GPHN: variants seen among roughly 807,000 people sequenced by gnomAD.
GPHN encodes the protein gephyrin.
In GPHN, 17 loss-of-function variants were observed where a neutral mutation model predicts 95.5. The observed-to-expected ratio is 0.18, with a 90% confidence interval of 0.12 to 0.27. The LOEUF (loss-of-function observed/expected upper bound fraction) is 0.27. GPHN is among the 10% of genes least tolerant of loss of function. The pLI, the probability that GPHN is intolerant of heterozygous loss-of-function variation, is 1.00. For missense variants in GPHN, 660 were observed against 978.1 expected (o/e 0.67, Z 4.34); for synonymous variants, 320 against 322.5 (o/e 0.99, Z 0.08).
chr14:67,393,231 C>A, the GPHN span: 2 of 1,612,736 alleles, frequency 1.2e-6, no homozygotes, highest in Non-Finnish European at 1.7e-6. Flanking sequence ...TGCATCTTGT[C>A]CACAATGCGA....
the GPHN span, chr14:67,383,866 G>T: frequency 8.8e-6 from 2 of 227,384 alleles, no homozygotes; most frequent in African/African-American, 2.3e-5. Flanking sequence ...TTTAACTATA[G>T]GCTTCTTCCT....
chr14:67,664,260 C>G, the GPHN span, among the ~76,000 whole-genome samples: 1 of 152,170 alleles, frequency 6.6e-6, no homozygotes, highest in Non-Finnish European at 1.5e-5. Context: ...TTTATCCTCT[C>G]AAACTGAAAT....
chr14:67,135,234 A>G (rs1343514740), intron 17 of GPHN, among the ~76,000 whole-genome samples: 1 of 152,202 alleles, frequency 6.6e-6, no homozygotes, highest in Non-Finnish European at 1.5e-5. Context: ...TGCTGGGATT[A>G]TAGGTGTGAG....
intron 10 of GPHN, among the ~76,000 whole-genome samples, chr14:67,051,263 T>C (rs142185367): frequency 0.012 from 1,833 of 152,046 alleles, 19 homozygotes; most frequent in Non-Finnish European, 0.018. Flanking sequence ...GAGAGGAAAA[T>C]AAATAACCTG....
At chr14:66,827,283 CA>C (rs1214931662) in intron 4 of GPHN, among the ~76,000 whole-genome samples, 159 of 133,806 alleles carry the variant, frequency 1.2e-3, no homozygotes, top group East Asian at 2.7e-3. Flanking sequence ...GACCCTGTCT[CA>C]AAAAAAAAAA....
chr14:66,773,978 C>G (rs58157093), intron 2 of GPHN, among the ~76,000 whole-genome samples: 62 of 146,242 alleles, frequency 4.2e-4, no homozygotes, highest in African/African-American at 1.5e-3. Context: ...GGTAATTGAG[C>G]ATCATATCTA....
At chr14:66,580,435 A>G (rs1429106342) in intron 1 of GPHN, among the ~76,000 whole-genome samples, 4 of 151,510 alleles carry the variant, frequency 2.6e-5, no homozygotes, top group African/African-American at 4.9e-5. Context: ...TTTAAAAGAT[A>G]AAATTGACAA....
At chr14:67,214,240 C>T in the GPHN span, among the ~76,000 whole-genome samples, 948 of 152,270 alleles carry the variant, frequency 6.2e-3, 8 homozygotes, top group African/African-American at 0.022. Context: ...AGTCCTTGCC[C>T]ATGCCTATGT....
At chr14:67,545,957 A>C in the GPHN span, among the ~76,000 whole-genome samples, 1 of 152,196 alleles carries the variant, frequency 6.6e-6, no homozygotes, top group Non-Finnish European at 1.5e-5. Flanking sequence ...AAAAAAAAAA[A>C]AAGTTGAAAA....
chr14:66,561,197 A>T (rs2060224222), intron 1 of GPHN, among the ~76,000 whole-genome samples: 1 of 152,000 alleles, frequency 6.6e-6, no homozygotes, highest in Non-Finnish European at 1.5e-5. Flanking sequence ...ATTGGTCTAA[A>T]ATCTCTTTTT....
intron 4 of GPHN, among the ~76,000 whole-genome samples, chr14:66,828,027 T>G (rs1220235469): frequency 6.6e-6 from 1 of 152,018 alleles, no homozygotes; most frequent in African/African-American, 2.4e-5. Context: ...TAGAGGTTTC[T>G]TAAATGGATT....
At chr14:67,600,918 G>T in the GPHN span, among the ~76,000 whole-genome samples, 1 of 152,158 alleles carries the variant, frequency 6.6e-6, no homozygotes, top group Admixed American at 6.5e-5. Flanking sequence ...TTGGCAAGCC[G>T]ATTTCTCTAA....
chr14:66,644,617 G>A (rs1184354073), intron 1 of GPHN, among the ~76,000 whole-genome samples: 1 of 149,724 alleles, frequency 6.7e-6, no homozygotes, highest in Non-Finnish European at 1.5e-5. Context: ...ACTGAGAGAG[G>A]TGTGATTGTT....
At position 66,711,755 on chromosome 14, in the gene GPHN, C is replaced by A. The variant is rs188719514; in HGVS notation, c.143+30570C>A. On this transcript the variant is annotated intron_variant, in intron 2 of 22. Coordinates refer to ENST00000478722, the MANE Select transcript of GPHN (RefSeq NM_020806.5). ...TCCCTCCCCCAGCCCCCTACCCCCC[C>A]ACAGGCCCCAGTGTGTGATGTTCCC... Among the ~76,000 whole-genome samples the A allele has an allele frequency of 3.9e-4, 59 of 151,662 alleles. No homozygotes were observed. In the South Asian group the frequency reaches 0.011, roughly 29 times the overall value.
At chr14:67,726,133 C>T in the GPHN span, 2 of 1,612,174 alleles carry the variant, frequency 1.2e-6, no homozygotes, top group African/African-American at 2.7e-5. Flanking sequence ...GCTTTGAAAC[C>T]CACCTGGGAG....
At chr14:67,007,277 T>G (rs1438250248) in intron 9 of GPHN, among the ~76,000 whole-genome samples, 1 of 152,174 alleles carries the variant, frequency 6.6e-6, no homozygotes, top group Non-Finnish European at 1.5e-5. Context: ...TTCTAAGTCA[T>G]GTTTCTGGGC....
At chr14:66,875,088 TGGG>T (rs1478191744) in intron 4 of GPHN, among the ~76,000 whole-genome samples, 1 of 151,850 alleles carries the variant, frequency 6.6e-6, no homozygotes, top group Admixed American at 6.6e-5. Context: ...CAGAAGAGAG[TGGG>T]TGGCCAATAT....
intron 5 of GPHN, among the ~76,000 whole-genome samples, chr14:66,893,168 G>A (rs1432785245): frequency 6.6e-6 from 1 of 152,108 alleles, no homozygotes; most frequent in African/African-American, 2.4e-5. Context: ...GTGATAGCTG[G>A]ACTTATTTGT....
intron 1 of GPHN, among the ~76,000 whole-genome samples, chr14:66,564,089 T>G (rs1430004190): frequency 6.6e-6 from 1 of 152,170 alleles, no homozygotes; most frequent in African/African-American, 2.4e-5. Context: ...TCTGGGGAAT[T>G]GATAGCTATC....
Sources: allele counts gnomAD v4.1 joint callset (sites outside exome capture counted in the v4.1 genomes callset), GRCh38; gene constraint gnomAD v4.1.1; transcripts MANE v1.5; gene names NCBI Gene and HGNC (gene_info 2026-07-23, HGNC 2026-07-21).